Variants in PGM1 observed in about 807,000 individuals in gnomAD.
PGM1 encodes phosphoglucomutase-1.
Under a neutral mutation model 55.6 loss-of-function variants are expected in PGM1, and 52 were observed. The ratio of observed to expected loss-of-function variants is 0.94; its 90% CI spans 0.75 to 1.18. The LOEUF (loss-of-function observed/expected upper bound fraction) is 1.18, where lower values mean the gene tolerates loss of function less well. Ranked by LOEUF, PGM1 falls within the 50% of genes most tolerant of loss-of-function variation. The pLI, the probability that PGM1 is intolerant of heterozygous loss-of-function variation, is 0.00. For missense variants in PGM1, 724 were observed against 729.3 expected, an observed-to-expected ratio of 0.99 and a Z score of 0.08; for synonymous variants, 287 against 271.7, an observed-to-expected ratio of 1.06 and a Z score of -0.55.
chr1:63,624,260 T>C (rs1648964392), intron 1 of PGM1, among the ~76,000 whole-genome samples: 2 of 152,046 alleles, frequency 1.3e-5, no homozygotes, highest in Non-Finnish European at 2.9e-5. Flanking sequence ...TAGGAGGGGT[T>C]GGAAAATGTT....
intron 1 of PGM1, among the ~76,000 whole-genome samples, chr1:63,628,949 A>T (rs1649112475): frequency 6.6e-6 from 1 of 152,208 alleles, no homozygotes; most frequent in Non-Finnish European, 1.5e-5. Context: ...AATAATCTTG[A>T]TATAAAATTT....
chr1:63,630,712 T>C (rs921167391), intron 3 of PGM1, among the ~76,000 whole-genome samples: 20 of 152,368 alleles, frequency 1.3e-4, no homozygotes, highest in Admixed American at 1.0e-3. Context: ...ATTATTGTAA[T>C]AATTGACAGA....
At chr1:63,607,945 G>T (rs547709023) in intron 1 of PGM1, among the ~76,000 whole-genome samples, 1 of 152,066 alleles carries the variant, frequency 6.6e-6, no homozygotes, top group African/African-American at 2.4e-5. Flanking sequence ...GCCAATTTTT[G>T]TCTTTTTCCA....
intron 7 of PGM1, among the ~76,000 whole-genome samples, chr1:63,639,823 G>T (rs1649467476): frequency 6.6e-6 from 1 of 152,142 alleles, no homozygotes; most frequent in Admixed American, 6.5e-5. Flanking sequence ...GGTAGAGCAG[G>T]TAGAATGAGC....
chr1:63,625,176 G>C (rs1648985472), intron 1 of PGM1, among the ~76,000 whole-genome samples: 1 of 152,162 alleles, frequency 6.6e-6, no homozygotes, highest in Non-Finnish European at 1.5e-5. Flanking sequence ...TGGAGCTGAA[G>C]AATGTGGAAG....
intron 8 of PGM1, among the ~76,000 whole-genome samples, chr1:63,651,116 T>G (rs1055207421): frequency 6.6e-6 from 1 of 152,012 alleles, no homozygotes; most frequent in Admixed American, 6.6e-5. Context: ...AGTCAGTGTT[T>G]GGCGTCTTCA....
Position 63,630,962 on chromosome 1 carries a change from G to A in PGM1, c.557-695G>A, listed in dbSNP as rs141049328. 1.3e-3 allele frequency among the ~76,000 whole-genome samples: 201 copies of A among 152,246 alleles called. 2 individuals are homozygous for A. The highest frequency in any genetic ancestry group is 2.7e-3 in the East Asian group (14 of 5,176). On this transcript the variant is annotated intron_variant, in intron 3 of 10. Transcript: ENST00000371084. ...GATAAAGTGACACTTTGGTCATCTC[G>A]AAGACATTCTTGAGGTTCAGAAGAT...
At chr1:63,599,251 C>T (rs1244386601) in intron 1 of PGM1, among the ~76,000 whole-genome samples, 5 of 151,978 alleles carry the variant, frequency 3.3e-5, no homozygotes, top group African/African-American at 4.8e-5. Flanking sequence ...CTGTAACCTC[C>T]GCCTCCTGGG....
intron 9 of PGM1, among the ~76,000 whole-genome samples, chr1:63,652,627 A>C (rs1570516770): frequency 6.6e-6 from 1 of 152,220 alleles, no homozygotes; most frequent in East Asian, 1.9e-4. Context: ...AAAGAGCAGG[A>C]TGAAGATTCT....
intron 3 of PGM1, 26 bp from the exon 4 acceptor site, chr1:63,631,631 T>C (rs772698861): frequency 1.9e-6 from 3 of 1,608,374 alleles, no homozygotes; most frequent in South Asian, 1.1e-5. Context: ...AATCCTTCCA[T>C]CTTTTGATGT....
chr1:63,656,347 T>C (rs1199506046), intron 10 of PGM1, among the ~76,000 whole-genome samples: 1 of 152,214 alleles, frequency 6.6e-6, no homozygotes, highest in East Asian at 1.9e-4. Context: ...TAAATTGGTA[T>C]AGCTATTTTG....
At chr1:63,635,762 T>A (rs987119383) in intron 5 of PGM1, among the ~76,000 whole-genome samples, 1 of 152,258 alleles carries the variant, frequency 6.6e-6, no homozygotes, top group Non-Finnish European at 1.5e-5. Context: ...ATCTTTGTGA[T>A]GAGTGCATTC....
chr1:63,640,244 TCTC>T (rs1649479789), intron 7 of PGM1, among the ~76,000 whole-genome samples: 2 of 152,104 alleles, frequency 1.3e-5, no homozygotes, highest in African/African-American at 4.8e-5. Flanking sequence ...GTTTTCCTGT[TCTC>T]CTGTACCAGT....
intron 1 of PGM1, among the ~76,000 whole-genome samples, chr1:63,622,554 C>T (rs1048380857): frequency 3.3e-5 from 5 of 152,154 alleles, no homozygotes; most frequent in Admixed American, 1.3e-4. Flanking sequence ...TAAATAAAAA[C>T]TCGATCCAAC....
chr1:63,609,445 A>G (rs1050148208), intron 1 of PGM1, among the ~76,000 whole-genome samples: 1 of 152,186 alleles, frequency 6.6e-6, no homozygotes, highest in Non-Finnish European at 1.5e-5. Context: ...TGAGTAAGAC[A>G]AAGTCCTTGT....
chr1:63,630,659 C>T (rs1009542538), intron 3 of PGM1, among the ~76,000 whole-genome samples: 3 of 152,176 alleles, frequency 2.0e-5, no homozygotes, highest in African/African-American at 7.2e-5. Flanking sequence ...GACCAAATTG[C>T]AACTCCCTAC....
At chr1:63,614,800 T>G (rs543655718) in intron 1 of PGM1, among the ~76,000 whole-genome samples, 9 of 152,334 alleles carry the variant, frequency 5.9e-5, no homozygotes, top group South Asian at 2.1e-4. Flanking sequence ...CTGAGAATAA[T>G]AAGCCCCTAT....
chr1:63,641,521 T>C (rs1162077766), intron 7 of PGM1, among the ~76,000 whole-genome samples: 2 of 152,226 alleles, frequency 1.3e-5, no homozygotes, highest in African/African-American at 2.4e-5. Flanking sequence ...TTAGTGACTC[T>C]ATGAACTTTG....
intron 1 of PGM1, among the ~76,000 whole-genome samples, chr1:63,624,069 A>C (rs1405427404): frequency 6.6e-6 from 1 of 152,168 alleles, no homozygotes. Context: ...TTTTATCTAC[A>C]TTCTAACTAG....
Sources: gnomAD v4.1 joint callset for allele counts (sites outside exome capture counted in the v4.1 genomes callset) on GRCh38, gnomAD v4.1.1 for gene constraint, MANE v1.5 for transcripts, NCBI Gene and HGNC (gene_info 2026-07-23, HGNC 2026-07-21) for gene names.